The following SUCLG2 variants were observed in gnomAD, a reference collection of about 807,000 sequenced individuals.
SUCLG2 encodes the protein succinate--CoA ligase [GDP-forming] subunit beta, mitochondrial.
In SUCLG2, 42 loss-of-function variants were observed where a neutral mutation model predicts 47.9. The observed-to-expected ratio is 0.88, with a 90% CI of 0.69 to 1.14. The LOEUF is 1.14. SUCLG2 is among the 50% of genes most tolerant of loss of function. The pLI is 0.00. For synonymous variants in SUCLG2, 195 were observed against 197.3 expected, an observed-to-expected ratio of 0.99 and a Z score of 0.10; for missense variants, 571 against 525.9, an observed-to-expected ratio of 1.09 and a Z score of -0.84.
chr3:67,373,391 G>A (rs545424669), downstream of SUCLG2, among the ~76,000 whole-genome samples: 1 of 151,914 alleles, frequency 6.6e-6, no homozygotes, highest in Non-Finnish European at 1.5e-5. Flanking sequence ...TTTCATAAAA[G>A]GATTAATAAC....
intron 9 of SUCLG2, among the ~76,000 whole-genome samples, chr3:67,448,157 A>C (rs1703972080): frequency 6.6e-6 from 1 of 152,226 alleles, no homozygotes; most frequent in African/African-American, 2.4e-5. Flanking sequence ...CACTGGATGA[A>C]AAAAATCCCC....
chr3:67,621,600 T>A (rs781543909), intron 1 of SUCLG2, among the ~76,000 whole-genome samples: 13 of 152,216 alleles, frequency 8.5e-5, no homozygotes, highest in South Asian at 8.3e-4. Flanking sequence ...AATGGACCAA[T>A]CCATTCAAGG....
intron 10 of SUCLG2, among the ~76,000 whole-genome samples, chr3:67,380,916 G>C (rs950034268): frequency 6.6e-6 from 1 of 152,170 alleles, no homozygotes; most frequent in African/African-American, 2.4e-5. Context: ...TGAAGGCATA[G>C]CTCTACTGCC....
chr3:67,514,002 G>A (rs1038620560), intron 6 of SUCLG2: 7 of 300,166 alleles, frequency 2.3e-5, no homozygotes, highest in East Asian at 1.9e-4. Context: ...TCTACCCAGC[G>A]GAATACGACA....
intron 2 of SUCLG2, among the ~76,000 whole-genome samples, chr3:67,535,351 G>T (rs1706511194): frequency 6.6e-6 from 1 of 151,914 alleles, no homozygotes; most frequent in Non-Finnish European, 1.5e-5. Context: ...GGAGTCCCCA[G>T]CCAGCCAAGC....
At chr3:67,384,808 G>T (rs987073408) in intron 10 of SUCLG2, among the ~76,000 whole-genome samples, 2 of 152,182 alleles carry the variant, frequency 1.3e-5, no homozygotes, top group African/African-American at 2.4e-5. Context: ...TTTCCACTGA[G>T]CTGGGATATA....
At chr3:67,544,309 T>TC in intron 2 of SUCLG2, among the ~76,000 whole-genome samples, 1 of 152,154 alleles carries the variant, frequency 6.6e-6, no homozygotes, top group South Asian at 2.1e-4. Context: ...CAAATTGTAA[T>TC]CCCCTGTTGT....
At chr3:67,633,022 T>C (rs748061239) in intron 1 of SUCLG2, among the ~76,000 whole-genome samples, 1 of 152,226 alleles carries the variant, frequency 6.6e-6, no homozygotes, top group Admixed American at 6.5e-5. Flanking sequence ...TAATCCTTCA[T>C]ATTGAGATAT....
Position 67,453,124 on chromosome 3 carries a change from A to G in SUCLG2, c.1062+42674T>C, listed in dbSNP as rs1003366829. 2.0e-5 allele frequency among the ~76,000 whole-genome samples: 3 copies of G among 152,150 alleles called. No homozygotes were observed. The South Asian group carries it at 6.2e-4, about 32-fold the overall frequency. Reference sequence around the variant, plus strand: ...ACCCTGCAGCTGATTAGCAAGGACTACAACACTGAATATCAAATATTATGA... The same window carrying G: ...ACCCTGCAGCTGATTAGCAAGGACTGCAACACTGAATATCAAATATTATGA... On this transcript the variant is annotated intron_variant, in intron 9 of 10. Coordinates refer to ENST00000307227, the MANE Select transcript of SUCLG2 (RefSeq NM_003848.4).
chr3:67,527,886 G>A (rs967983157), intron 4 of SUCLG2, among the ~76,000 whole-genome samples: 17 of 152,004 alleles, frequency 1.1e-4, no homozygotes, highest in African/African-American at 3.1e-4. Context: ...GCCATTGCTC[G>A]GTCACTCACC....
intron 2 of SUCLG2, among the ~76,000 whole-genome samples, chr3:67,583,372 C>T (rs759401901): frequency 2.6e-5 from 4 of 152,134 alleles, no homozygotes; most frequent in Non-Finnish European, 5.9e-5. Flanking sequence ...TTCGGCTCAG[C>T]GAAAGGATCC....
intron 2 of SUCLG2, among the ~76,000 whole-genome samples, chr3:67,557,719 T>C (rs1015595247): frequency 7.2e-5 from 11 of 152,186 alleles, no homozygotes; most frequent in African/African-American, 2.4e-4. Flanking sequence ...CAGAATCACT[T>C]GTAGTGCATC....
chr3:67,567,045 A>C (rs1215785740), intron 2 of SUCLG2, among the ~76,000 whole-genome samples: 2 of 152,064 alleles, frequency 1.3e-5, no homozygotes, highest in Non-Finnish European at 2.9e-5. Flanking sequence ...TTAGCTGCCC[A>C]TGGTGGTGTG....
At chr3:67,540,500 C>T (rs1253016107) in intron 2 of SUCLG2, among the ~76,000 whole-genome samples, 1 of 152,200 alleles carries the variant, frequency 6.6e-6, no homozygotes, top group Non-Finnish European at 1.5e-5. Flanking sequence ...TGTCTAGATT[C>T]CTCCTCTCTG....
intron 6 of SUCLG2, among the ~76,000 whole-genome samples, chr3:67,509,941 G>A (rs551024295): frequency 6.6e-6 from 1 of 152,274 alleles, no homozygotes; most frequent in South Asian, 2.1e-4. Context: ...TCAGCCAATG[G>A]CAAGCAGTGG....
chr3:67,565,007 T>C (rs1474376514), intron 2 of SUCLG2, among the ~76,000 whole-genome samples: 2 of 152,098 alleles, frequency 1.3e-5, no homozygotes, highest in Non-Finnish European at 2.9e-5. Context: ...CAAGCATACA[T>C]TAAGTTTTCA....
intron 6 of SUCLG2, among the ~76,000 whole-genome samples, chr3:67,511,945 G>A (rs1205592702): frequency 6.6e-6 from 1 of 150,826 alleles, no homozygotes; most frequent in African/African-American, 2.5e-5. Context: ...TGAACTCCTG[G>A]GCTCAGATGA....
intron 1 of SUCLG2, among the ~76,000 whole-genome samples, chr3:67,653,548 C>T (rs1339276175): frequency 6.6e-6 from 1 of 152,196 alleles, no homozygotes; most frequent in Non-Finnish European, 1.5e-5. Flanking sequence ...CTATACTATG[C>T]ACATCCTGGT....
intron 10 of SUCLG2, among the ~76,000 whole-genome samples, chr3:67,391,864 G>A (rs758865394): frequency 6.6e-6 from 1 of 152,070 alleles, no homozygotes; most frequent in East Asian, 1.9e-4. Context: ...TGTTCTGTAC[G>A]GAGTTAATTT....
Sources: gnomAD v4.1 joint callset for allele counts (sites outside exome capture counted in the v4.1 genomes callset) on GRCh38, gnomAD v4.1.1 for gene constraint, MANE v1.5 for transcripts, NCBI Gene and HGNC (gene_info 2026-07-23, HGNC 2026-07-21) for gene names.